The following AGAP1 variants were observed in gnomAD, a reference collection of about 807,000 sequenced individuals.
AGAP1 encodes the protein ArfGAP with GTPase domain, ankyrin repeat and PH domain 1.
In AGAP1, 29 loss-of-function variants were observed where a neutral mutation model predicts 105.3. The ratio of observed to expected loss-of-function variants is 0.28; its 90% CI spans 0.21 to 0.38. AGAP1 has a LOEUF of 0.38. Ranked by LOEUF, AGAP1 falls within the 10% of genes least tolerant of loss-of-function variation. The pLI is 1.00. For missense variants in AGAP1, 998 were observed against 1,165.1 expected (o/e 0.86, Z 2.09); for synonymous variants, 509 against 485.9 (o/e 1.05, Z -0.63).
At chr2:235,683,888 C>G (rs557641424) in intron 1 of AGAP1, among the ~76,000 whole-genome samples, 23 of 151,530 alleles carry the variant, frequency 1.5e-4, no homozygotes, top group African/African-American at 5.6e-4. Flanking sequence ...TGATGTTCCC[C>G]GCCCTGTGTC....
Position 236,073,274 on chromosome 2 carries a change from T to C in AGAP1, c.2114+23993T>C, listed in dbSNP as rs61624529. On this transcript the variant is annotated intron_variant, in intron 16 of 17. Coordinates refer to ENST00000304032, the MANE Select transcript of AGAP1 (RefSeq NM_001037131.3). This position sits in a 1 kb window ranked among gnomAD's most constrained non-coding sequence, Gnocchi z 5.4. ...CCTCCCAAAGTGCTGGGATTACAGA[T>C]GTGAGCCACCGTGCCTGGCCTATAT... is the stretch of plus-strand genomic sequence containing the variant. Among the ~76,000 whole-genome samples the C allele has an allele frequency of 0.01, 1,559 of 152,256 alleles. 22 individuals are homozygous for C. Among genetic ancestry groups the C allele is most frequent in the African/African-American group, 0.035 (1,459 of 41,544 alleles).
intron 1 of AGAP1, among the ~76,000 whole-genome samples, chr2:235,495,967 G>A (rs2148990957): frequency 6.6e-6 from 1 of 152,356 alleles, no homozygotes; most frequent in East Asian, 1.9e-4. Flanking sequence ...CGGCAGGAAT[G>A]TGCCTGAAAG....
chr2:235,630,768 A>G (rs936939111), intron 1 of AGAP1, among the ~76,000 whole-genome samples: 6 of 152,110 alleles, frequency 3.9e-5, no homozygotes, highest in East Asian at 1.9e-4. Flanking sequence ...TTTGTCCTTC[A>G]TCGGAACAGG....
intron 1 of AGAP1, among the ~76,000 whole-genome samples, chr2:235,581,954 G>T (rs190066310): frequency 1.1e-3 from 161 of 152,302 alleles, no homozygotes; most frequent in African/African-American, 3.8e-3. Flanking sequence ...ACCCGGGGAG[G>T]TTTTATTATT....
intron 12 of AGAP1, among the ~76,000 whole-genome samples, chr2:235,935,215 C>G (rs961229768): frequency 1.4e-4 from 21 of 152,152 alleles, no homozygotes; most frequent in African/African-American, 4.8e-4. Context: ...TGCATCTGCC[C>G]TTAGAGAAAA....
Position 235,904,124 on chromosome 2 carries a change from ACT to A in AGAP1, c.1156-4612_1156-4611del, listed in dbSNP as rs965075584. On this transcript the variant is annotated intron_variant, in intron 10 of 17. Transcript: ENST00000304032. The surrounding 1 kb of genome is among the most constrained non-coding windows in gnomAD (Gnocchi z 4.2). The stretch of plus-strand genomic sequence containing the variant: ...TGTTTGTTGAGGCTAATTGAATGAA[ACT>A]CAATCATAGCTCTTAATTGCTTGAC... Among the ~76,000 whole-genome samples the A allele has an allele frequency of 6.6e-5, 10 of 152,194 alleles. No homozygotes were observed. The highest frequency in any genetic ancestry group is 2.4e-4 in the African/African-American group (10 of 41,428).
Position 235,968,501 on chromosome 2 carries a change from T to A in AGAP1, c.1523T>A (p.Ile508Asn). ...LGDSVCSSPS[I>N]SSTTSPKLDP... ...GACTCCGTATGCTCCAGCCCCAGTATCTCCAGCACCACCAGCCCCAAGCTC... is the reference window on the plus strand; with the variant it reads ...GACTCCGTATGCTCCAGCCCCAGTAACTCCAGCACCACCAGCCCCAAGCTC... The change falls in exon 13 of 18, where the codon ATC becomes AAC. Residue 508 changes from isoleucine to asparagine, a missense_variant. Coordinates refer to ENST00000304032, the MANE Select transcript of AGAP1 (RefSeq NM_001037131.3). 6.2e-7 allele frequency: 1 copy of A among 1,610,476 alleles called. No individual in the cohort carries two copies. Among genetic ancestry groups the A allele is most frequent in the Non-Finnish European group, 8.5e-7 (1 of 1,178,776 alleles).
chr2:235,933,247 T>C (rs1394515684), intron 12 of AGAP1, among the ~76,000 whole-genome samples: 2 of 152,072 alleles, frequency 1.3e-5, no homozygotes, highest in African/African-American at 4.8e-5. Context: ...AGGAAGTTAT[T>C]ATAAGCATTG....
chr2:235,616,402 G>T (rs1946309280), intron 1 of AGAP1, among the ~76,000 whole-genome samples: 1 of 151,876 alleles, frequency 6.6e-6, no homozygotes, highest in Admixed American at 6.6e-5. Context: ...ATCTGGTTAA[G>T]TTCAGTGTTA....
Position 235,964,461 on chromosome 2 carries a change from A to G in AGAP1, c.1484-4001A>G, listed in dbSNP as rs2054308489. Among the ~76,000 whole-genome samples, 1 of 151,982 alleles carries G rather than the reference A, an allele frequency of 6.6e-6. No individual in the cohort carries two copies. The highest frequency in any genetic ancestry group is 1.5e-5 in the Non-Finnish European group (1 of 67,994). ...GGGCTCCTAACACTGAATAGAGAGGATGGGATGGTAAAGACTTGGGAACCC... is the reference window on the plus strand; with the variant it reads ...GGGCTCCTAACACTGAATAGAGAGGGTGGGATGGTAAAGACTTGGGAACCC... On this transcript the variant is annotated intron_variant, in intron 12 of 17. Transcript: ENST00000304032. The surrounding 1 kb of genome is among the most constrained non-coding windows in gnomAD (Gnocchi z 4.6).
In AGAP1 at chr2:235,964,082, G is replaced by A. The variant is rs943391020; in HGVS notation, c.1484-4380G>A. Among the ~76,000 whole-genome samples, 1 of 152,170 alleles carries A rather than the reference G, an allele frequency of 6.6e-6. No individual in the cohort carries two copies. Among genetic ancestry groups the A allele is most frequent in the African/African-American group, 2.4e-5 (1 of 41,446 alleles). The stretch of plus-strand genomic sequence containing the variant: ...TGGGCACAGGCATGCTAGTTAGATT[G>A]AGATAAGCGACTGGCAGCCTCGTGC... On this transcript the variant is annotated intron_variant, in intron 12 of 17. Coordinates refer to ENST00000304032, the MANE Select transcript of AGAP1 (RefSeq NM_001037131.3). The surrounding 1 kb of genome is among the most constrained non-coding windows in gnomAD (Gnocchi z 4.6).
At chr2:235,800,520 C>T (rs1957447912) in intron 8 of AGAP1, among the ~76,000 whole-genome samples, 1 of 152,168 alleles carries the variant, frequency 6.6e-6, no homozygotes, top group Non-Finnish European at 1.5e-5. Context: ...CATTACCAAT[C>T]AATCTGGATT....
chr2:236,074,182 G>T (rs1235224809), intron 16 of AGAP1, among the ~76,000 whole-genome samples: 2 of 152,160 alleles, frequency 1.3e-5, no homozygotes, highest in Admixed American at 6.5e-5. Flanking sequence ...GAGAAACCTT[G>T]CCTTCCTGGA....
intron 13 of AGAP1, among the ~76,000 whole-genome samples, chr2:235,972,879 C>T (rs2054710951): frequency 6.6e-6 from 1 of 152,164 alleles, no homozygotes; most frequent in Non-Finnish European, 1.5e-5. Flanking sequence ...CTCCATCATC[C>T]CCCAGGGTCT....
intron 16 of AGAP1, among the ~76,000 whole-genome samples, chr2:236,052,060 C>A (rs1355023575): frequency 6.6e-6 from 1 of 152,152 alleles, no homozygotes; most frequent in Non-Finnish European, 1.5e-5. Context: ...CCCTCCTGGT[C>A]TCTCTGCAGA....
intron 9 of AGAP1, among the ~76,000 whole-genome samples, chr2:235,819,419 AT>A (rs1958654504): frequency 6.6e-6 from 1 of 151,798 alleles, no homozygotes; most frequent in East Asian, 1.9e-4. Context: ...CTGGCAGGAG[AT>A]TGTATTTCTG....
intron 1 of AGAP1, among the ~76,000 whole-genome samples, chr2:235,686,624 T>G (rs1326490419): frequency 4.2e-4 from 14 of 33,324 alleles, no homozygotes; most frequent in African/African-American, 1.2e-3. Flanking sequence ...GATATAGATA[T>G]ATATATATAT....
intron 16 of AGAP1, among the ~76,000 whole-genome samples, chr2:236,069,475 G>C (rs997591729): frequency 6.6e-6 from 1 of 152,196 alleles, no homozygotes; most frequent in African/African-American, 2.4e-5. Flanking sequence ...CCAGTCTGGA[G>C]TGCAGTGGCA....
intron 9 of AGAP1, among the ~76,000 whole-genome samples, chr2:235,848,235 G>C (rs1229629932): frequency 6.6e-6 from 1 of 152,214 alleles, no homozygotes; most frequent in East Asian, 1.9e-4. Context: ...TCTTGGCCTA[G>C]CTTTCACTAA....
Sources: gnomAD v4.1 joint callset for allele counts (sites outside exome capture counted in the v4.1 genomes callset) on GRCh38, gnomAD v4.1.1 for gene constraint, Gnocchi (gnomAD v3.1) non-coding constraint, MANE v1.5 for transcripts, NCBI Gene and HGNC (gene_info 2026-07-23, HGNC 2026-07-21) for gene names.